SAMMSON: variants seen among roughly 807,000 people sequenced by gnomAD.
SAMMSON encodes the protein long intergenic non-protein coding RNA 1212.
intron 4 of SAMMSON, among the ~76,000 whole-genome samples, chr3:70,166,309 G>A (rs2067636829): frequency 6.6e-6 from 1 of 151,958 alleles, no homozygotes; most frequent in Non-Finnish European, 1.5e-5. Flanking sequence ...AAAGGATGAG[G>A]CTTTGTGGTA....
intron 9 of SAMMSON, among the ~76,000 whole-genome samples, chr3:70,389,019 T>A (rs1701017681): frequency 6.6e-6 from 1 of 152,010 alleles, no homozygotes; most frequent in Non-Finnish European, 1.5e-5. Flanking sequence ...GAGAGCAGGT[T>A]GTTAAAAAGA....
rs573238578 is a variant in SAMMSON at position 70,411,439 on chromosome 3, C to G, written n.234-51121C>G. ...TTAGGTGAGAAACATTCAGCATATCCACTTATAATAGCAGAATCAACAACT... is the reference window on the plus strand; with the variant it reads ...TTAGGTGAGAAACATTCAGCATATCGACTTATAATAGCAGAATCAACAACT... On this transcript the variant is annotated intron_variant and non_coding_transcript_variant, in intron 2 of 3. Coordinates refer to the SAMMSON transcript ENST00000641053. Among the ~76,000 whole-genome samples, 3 of 152,254 alleles carry G rather than the reference C, an allele frequency of 2.0e-5. No homozygotes were observed. The South Asian group carries it at 6.2e-4, about 32-fold the overall frequency.
At position 70,170,963 on chromosome 3, in the gene SAMMSON, G is replaced by A. The variant is rs1168015211; in HGVS notation, n.508-78144G>A. Among the ~76,000 whole-genome samples the A allele has an allele frequency of 3.3e-5, 5 of 151,860 alleles. No individual in the cohort carries two copies. The East Asian group carries it at 7.7e-4, about 24-fold the overall frequency. On this transcript the variant is annotated intron_variant and non_coding_transcript_variant, in intron 4 of 9. Coordinates refer to ENST00000642114, the Ensembl canonical transcript of SAMMSON. ...GAGATTCTGCCTGTGTAATAACTGC[G>A]TGATTAGACCTTGAAATGCAATGAA...
chr3:70,102,507 G>A (rs2067350017), intron 4 of SAMMSON, among the ~76,000 whole-genome samples: 1 of 152,174 alleles, frequency 6.6e-6, no homozygotes. Context: ...AAGACCATTG[G>A]AGGAGCATCT....
intron 7 of SAMMSON, among the ~76,000 whole-genome samples, chr3:70,325,939 C>T (rs1372825536): frequency 6.6e-5 from 10 of 152,130 alleles, no homozygotes; most frequent in East Asian, 5.8e-4. Flanking sequence ...TGTTTCTTCA[C>T]GTATTTACAA....
chr3:70,108,423 CTTTTTT>C (rs61561713), intron 4 of SAMMSON, among the ~76,000 whole-genome samples: 1 of 89,376 alleles, frequency 1.1e-5, no homozygotes, highest in African/African-American at 4.1e-5. Context: ...CTTGCGGTTC[CTTTTTT>C]TTTTTTTTTT....
intron 4 of SAMMSON, chr3:70,125,219 C>A: frequency 4.3e-6 from 6 of 1,387,608 alleles, no homozygotes; most frequent in Non-Finnish European, 6.2e-6. Flanking sequence ...GGAAGCTTGT[C>A]CTTTCATACG....
chr3:70,010,717 G>A (rs1004645001), intron 1 of SAMMSON, among the ~76,000 whole-genome samples: 8 of 151,792 alleles, frequency 5.3e-5, no homozygotes, highest in Non-Finnish European at 1.2e-4. Context: ...TCCTAGACTG[G>A]GTAATTTATA....
At chr3:70,149,712 A>C (rs1283887528) in intron 4 of SAMMSON, among the ~76,000 whole-genome samples, 1 of 152,066 alleles carries the variant, frequency 6.6e-6, no homozygotes. Flanking sequence ...GGGAATTTGC[A>C]TTATGTTGTC....
intron 6 of SAMMSON, among the ~76,000 whole-genome samples, chr3:70,288,646 G>A (rs1702193220): frequency 6.6e-6 from 1 of 151,782 alleles, no homozygotes; most frequent in Non-Finnish European, 1.5e-5. Context: ...TCCGTCTAAT[G>A]TTCACAGTGG....
At chr3:70,292,302 A>G (rs1702246225) in intron 7 of SAMMSON, among the ~76,000 whole-genome samples, 1 of 152,172 alleles carries the variant, frequency 6.6e-6, no homozygotes, top group Non-Finnish European at 1.5e-5. Context: ...TTTATAATAT[A>G]TAGTATCTAT....
chr3:70,217,000 C>A (rs1001699868), intron 4 of SAMMSON, among the ~76,000 whole-genome samples: 2 of 152,136 alleles, frequency 1.3e-5, no homozygotes, highest in Non-Finnish European at 1.5e-5. Flanking sequence ...AATCTCATAG[C>A]CCTGATCACC....
chr3:70,158,543 T>C (rs1200936497), intron 4 of SAMMSON, among the ~76,000 whole-genome samples: 1 of 144,996 alleles, frequency 6.9e-6, no homozygotes, highest in Admixed American at 6.9e-5. Flanking sequence ...GGGTGGACAC[T>C]TTTTTTTTTT....
chr3:70,199,489 G>C (rs1701214668), intron 4 of SAMMSON, among the ~76,000 whole-genome samples: 1 of 152,016 alleles, frequency 6.6e-6, no homozygotes, highest in Admixed American at 6.5e-5. Context: ...TTCTAAGTCA[G>C]TCCTTTTTAT....
intron 4 of SAMMSON, among the ~76,000 whole-genome samples, chr3:70,198,872 C>A (rs1701207485): frequency 6.6e-6 from 1 of 152,106 alleles, no homozygotes; most frequent in South Asian, 2.1e-4. Context: ...AAACCTCCCA[C>A]AAAAATGCAA....
intron 1 of SAMMSON, among the ~76,000 whole-genome samples, chr3:70,002,202 C>A (rs1435778584): frequency 6.6e-6 from 1 of 152,110 alleles, no homozygotes; most frequent in East Asian, 1.9e-4. Flanking sequence ...CACCTTTGGA[C>A]AGATGTGTGA....
intron 7 of SAMMSON, among the ~76,000 whole-genome samples, chr3:70,324,022 C>T (rs898753649): frequency 6.6e-6 from 1 of 152,116 alleles, no homozygotes; most frequent in Non-Finnish European, 1.5e-5. Flanking sequence ...TCATTCGTCC[C>T]TTCCTGACCC....
intron 4 of SAMMSON, among the ~76,000 whole-genome samples, chr3:70,102,935 C>A (rs2067351722): frequency 6.6e-6 from 1 of 152,152 alleles, no homozygotes; most frequent in Non-Finnish European, 1.5e-5. Flanking sequence ...TAAAGGGAAG[C>A]AGACCAGCCC....
At chr3:70,183,438 C>A (rs1302983763) in intron 4 of SAMMSON, 1 of 152,174 alleles carries the variant, frequency 6.6e-6, no homozygotes, top group East Asian at 1.9e-4. Flanking sequence ...GTCCTTTTTT[C>A]TAAACAGAGG....
Sources: allele counts gnomAD v4.1 joint callset (sites outside exome capture counted in the v4.1 genomes callset), GRCh38; gene constraint gnomAD v4.1.1; transcripts MANE v1.5; gene names NCBI Gene and HGNC (gene_info 2026-07-23, HGNC 2026-07-21).